The following UBA6 variants were observed in gnomAD, a reference collection of about 807,000 sequenced individuals.
UBA6 encodes the protein ubiquitin-like modifier-activating enzyme 6.
In UBA6, 87 loss-of-function variants were observed where a neutral mutation model predicts 148.3. That is an observed-to-expected ratio of 0.59 (90% CI 0.49 to 0.70). The LOEUF is 0.70. Ranked by LOEUF, UBA6 falls within the 30% of genes least tolerant of loss-of-function variation. UBA6 has a pLI of 0.00. For synonymous variants in UBA6, 376 were observed against 401.0 expected, an observed-to-expected ratio of 0.94 and a Z score of 0.75; for missense variants, 1,186 against 1,241.2, an observed-to-expected ratio of 0.96 and a Z score of 0.67.
At chr4:67,666,352 T>C (rs1383611024) in intron 9 of UBA6, among the ~76,000 whole-genome samples, 1 of 150,834 alleles carries the variant, frequency 6.6e-6, no homozygotes, top group South Asian at 2.1e-4. Context: ...TATTATATAA[T>C]ACAGGCATAT....
At chr4:67,639,256 G>A (rs1577800574) in intron 18 of UBA6, 132 bp from the exon 19 acceptor site, 2 of 618,832 alleles carry the variant, frequency 3.2e-6, no homozygotes, top group South Asian at 3.5e-5. Context: ...AGAGTAATGA[G>A]ACCAGTTTTC....
chr4:67,629,225 C>A, intron 26 of UBA6, 83 bp from the exon 27 acceptor site: 1 of 843,202 alleles, frequency 1.2e-6, no homozygotes, highest in South Asian at 1.4e-5. Context: ...GGTCCTTAAT[C>A]ATATTACAAT....
At chr4:67,638,863 T>C (rs745308822) in intron 19 of UBA6, 80 bp downstream of exon 19, 1 of 1,078,990 alleles carries the variant, frequency 9.3e-7, no homozygotes, top group Non-Finnish European at 1.4e-6. Context: ...GATAATTCCG[T>C]AACTTTTCAA....
chr4:67,644,269 T>G (rs1180176914), intron 17 of UBA6, among the ~76,000 whole-genome samples: 2 of 152,132 alleles, frequency 1.3e-5, no homozygotes, highest in Non-Finnish European at 2.9e-5. Context: ...TTCCCACTAC[T>G]TTTAATACTC....
intron 1 of UBA6, among the ~76,000 whole-genome samples, chr4:67,697,632 C>G (rs939060876): frequency 6.6e-6 from 1 of 152,186 alleles, no homozygotes; most frequent in Non-Finnish European, 1.5e-5. Flanking sequence ...GGCCTGAAAT[C>G]TAGGGATCTT....
At position 67,641,153 on chromosome 4, in the gene UBA6, G is replaced by C. The variant is rs758419251; in HGVS notation, c.1552C>G (p.Gln518Glu). 6.3e-7 allele frequency: 1 copy of C among 1,578,474 alleles called. No homozygotes were observed. The highest frequency in any genetic ancestry group is 8.6e-7 in the Non-Finnish European group (1 of 1,158,436). ...RQFLFRPHHI[Q>E]KPKSYTAADA... Reference sequence around the variant, plus strand: ...TTTGAAACAGAATAGCAACATACCTGTATGTGATGAGGACGAAATAGGAAC... The same window carrying C: ...TTTGAAACAGAATAGCAACATACCTCTATGTGATGAGGACGAAATAGGAAC... Residue 518 changes from glutamine (Q) to glutamate (E), a missense_variant and splice_region_variant, in exon 18 of 33, where the codon CAG becomes GAG. Physicochemically the swap from Gln to Glu is conservative, Grantham distance 29. Transcript: ENST00000322244.
intron 30 of UBA6, 67 bp from the exon 31 acceptor site, chr4:67,623,289 C>CAA (rs3830312): frequency 1.8e-4 from 199 of 1,122,600 alleles, no homozygotes; most frequent in East Asian, 4.6e-4. Flanking sequence ...GACACACACA[C>CAA]AAAAAAAACC....
rs1174810540 is a variant in UBA6 at position 67,615,682 on chromosome 4, A to G, written c.*3315T>C. ...ATATTAACAGAAAAGTAAATTACAC[A>G]GACATAATGAAGAATAAAGTACAGC... On this transcript the variant is annotated 3_prime_UTR_variant, in exon 33 of 33. Transcript: ENST00000322244. 2 of 153,768 alleles carry G rather than the reference A, an allele frequency of 1.3e-5. No homozygotes were observed. Among genetic ancestry groups the G allele is most frequent in the African/African-American group, 4.8e-5 (2 of 41,588 alleles). 9.5% of individuals were successfully genotyped at this position (153,768 alleles called of 1,614,324 possible).
In UBA6 at chr4:67,615,983, T is replaced by C. The variant is rs942053226; in HGVS notation, c.*3014A>G. The C allele has an allele frequency of 5.4e-6, 2 of 369,220 alleles. No homozygotes were observed. The highest frequency in any genetic ancestry group is 4.6e-5 in the Admixed American group (1 of 21,706). 22.9% of individuals were successfully genotyped at this position (369,220 alleles called of 1,614,324 possible). Reference sequence around the variant, plus strand: ...TCTACTAAGCTGAGTGCTAGTTATATAGTTGCTTTAAAATTATTCCTTGAA... The same window carrying C: ...TCTACTAAGCTGAGTGCTAGTTATACAGTTGCTTTAAAATTATTCCTTGAA... On this transcript the variant is annotated 3_prime_UTR_variant, in exon 33 of 33. Coordinates refer to ENST00000322244, the MANE Select transcript of UBA6 (RefSeq NM_018227.6).
rs1251883547 is a variant in UBA6 at position 67,656,596 on chromosome 4, A to C, written c.1104+5593T>G. Among the ~76,000 whole-genome samples, 3 of 152,218 alleles carry C rather than the reference A, an allele frequency of 2.0e-5. No individual in the cohort carries two copies. The East Asian group carries it at 5.8e-4, about 29-fold the overall frequency. The stretch of plus-strand genomic sequence containing the variant: ...ATCATACTGAATGGGCAAAAACTGG[A>C]AGCATTCCCTTGGAAAACTGGTACA... On this transcript the variant is annotated intron_variant, in intron 13 of 32. Coordinates refer to ENST00000322244, the MANE Select transcript of UBA6 (RefSeq NM_018227.6).
chr4:67,683,939 G>C (rs541839506), intron 2 of UBA6, among the ~76,000 whole-genome samples: 6 of 152,226 alleles, frequency 3.9e-5, no homozygotes, highest in Admixed American at 3.9e-4. Context: ...AGGATGAGGT[G>C]GTGGGTGCCT....
chr4:67,614,103 C>T lies in UBA6; in HGVS notation c.*4894G>A, dbSNP rs1482922102. 2.0e-5 allele frequency: 3 copies of T among 152,206 alleles called. No homozygotes were observed. The highest frequency in any genetic ancestry group is 2.0e-4 in the Admixed American group (3 of 15,278). The allele number at this position is 152,206 out of a possible 1,614,324, so 9.4% of individuals were successfully genotyped here. On this transcript the variant is annotated 3_prime_UTR_variant, in exon 33 of 33. Coordinates refer to ENST00000322244, the MANE Select transcript of UBA6 (RefSeq NM_018227.6). ...TGAGAGTTTCCTCTGCACAATAAAACTTGTTCTCCACAATCTCTTATTTAA... is the reference window on the plus strand; with the variant it reads ...TGAGAGTTTCCTCTGCACAATAAAATTTGTTCTCCACAATCTCTTATTTAA...
chr4:67,622,728 T>C (rs1728778281), intron 32 of UBA6, 103 bp downstream of exon 32: 2 of 800,412 alleles, frequency 2.5e-6, no homozygotes, highest in South Asian at 4.2e-5. Flanking sequence ...ACAAGACTAA[T>C]GCTTTTATCT....
At chr4:67,686,376 C>A (rs2109954489) in intron 2 of UBA6, among the ~76,000 whole-genome samples, 1 of 152,286 alleles carries the variant, frequency 6.6e-6, no homozygotes, top group South Asian at 2.1e-4. Context: ...CAACATTAAT[C>A]ACTTTCTTCT....
In UBA6 at chr4:67,617,079, ATTTTG is replaced by A. The variant is rs1232888381; in HGVS notation, c.*1913_*1917del. On this transcript the variant is annotated 3_prime_UTR_variant, in exon 33 of 33. Transcript: ENST00000322244. ...CACAAAATGAACTTAATTTTTGTTGATTTTGTTTTATCTGCTAAAACACTAATATC... is the reference window on the plus strand; with the variant it reads ...CACAAAATGAACTTAATTTTTGTTGATTTTATCTGCTAAAACACTAATATC... 6.6e-5 allele frequency: 10 copies of A among 152,214 alleles called. No homozygotes were observed. The highest frequency in any genetic ancestry group is 2.6e-4 in the Admixed American group (4 of 15,290). The allele number at this position is 152,214 out of a possible 1,614,324, so 9.4% of individuals were successfully genotyped here. A position where few individuals can be genotyped will look rare whatever the true frequency, so the allele number is the denominator to read the frequency against.
chr4:67,700,701 C>T (rs1170963256), intron 1 of UBA6, among the ~76,000 whole-genome samples: 1 of 152,134 alleles, frequency 6.6e-6, no homozygotes, highest in Non-Finnish European at 1.5e-5. Flanking sequence ...AGGTGCTTGG[C>T]ACCAGTCGGG....
At chr4:67,627,377 G>T (rs1259647520) in intron 27 of UBA6, among the ~76,000 whole-genome samples, 2 of 151,898 alleles carry the variant, frequency 1.3e-5, no homozygotes, top group Non-Finnish European at 2.9e-5. Flanking sequence ...CTCCTTTAGG[G>T]AGTTGTGAAA....
chr4:67,632,860 G>A (rs529609312), intron 23 of UBA6, among the ~76,000 whole-genome samples: 1 of 152,086 alleles, frequency 6.6e-6, no homozygotes, highest in East Asian at 1.9e-4. Flanking sequence ...TAAGGAAGAT[G>A]AACTTAAGAT....
At chr4:67,641,457 C>A (rs1471594174) in intron 17 of UBA6, among the ~76,000 whole-genome samples, 3 of 152,062 alleles carry the variant, frequency 2.0e-5, no homozygotes, top group African/African-American at 7.2e-5. Context: ...ATAGCTGAGG[C>A]CAATTGCAAT....
Sources: allele counts gnomAD v4.1 joint callset (sites outside exome capture counted in the v4.1 genomes callset), GRCh38; gene constraint gnomAD v4.1.1; transcripts MANE v1.5; gene names NCBI Gene and HGNC (gene_info 2026-07-23, HGNC 2026-07-21).